The following C12orf42 variants were observed in gnomAD, a reference collection of about 807,000 sequenced individuals.
The protein encoded by C12orf42 is uncharacterized protein C12orf42.
C12orf42 carries 25 observed loss-of-function variants against 21.6 expected under a neutral mutation model. That is an observed-to-expected ratio of 1.16 (90% CI 0.84 to 1.62). The LOEUF (loss-of-function observed/expected upper bound fraction) is 1.62. C12orf42 is among the 40% of genes most tolerant of loss of function. The probability of loss-of-function intolerance (pLI) is 0.00; values close to 1 mark genes in which losing one functional copy is unlikely to be tolerated. For synonymous variants in C12orf42, 174 were observed against 175.0 expected (o/e 0.99, Z 0.05); for missense variants, 483 against 459.3 (o/e 1.05, Z -0.47).
At chr12:103,555,226 T>G in the C12orf42 span, among the ~76,000 whole-genome samples, 1 of 152,114 alleles carries the variant, frequency 6.6e-6, no homozygotes, top group Admixed American at 6.5e-5. Context: ...TTAATGGACT[T>G]ACAGTTTCAC....
At chr12:103,432,109 A>G (rs1277093220) in intron 2 of C12orf42, among the ~76,000 whole-genome samples, 2 of 152,120 alleles carry the variant, frequency 1.3e-5, no homozygotes, top group Non-Finnish European at 2.9e-5. Flanking sequence ...CCACATGTGT[A>G]GTGTGTTTAC....
chr12:103,525,058 C>G, the C12orf42 span, among the ~76,000 whole-genome samples: 1 of 152,058 alleles, frequency 6.6e-6, no homozygotes, highest in Non-Finnish European at 1.5e-5. Context: ...TGCTCTGTCA[C>G]CCAGGCTGCA....
At chr12:103,300,543 G>T (rs1249447327), downstream of C12orf42, among the ~76,000 whole-genome samples, 1 of 152,118 alleles carries the variant, frequency 6.6e-6, no homozygotes, top group Non-Finnish European at 1.5e-5. Context: ...CACTTCTACA[G>T]CTGAAGGAAT....
At chr12:103,404,293 A>C (rs1222955629) in intron 2 of C12orf42, among the ~76,000 whole-genome samples, 1 of 152,232 alleles carries the variant, frequency 6.6e-6, no homozygotes, top group Admixed American at 6.5e-5. Flanking sequence ...ACAGACTAGG[A>C]GTACAGGTAG....
chr12:103,312,886 A>G (rs2039103217), intron 4 of C12orf42, among the ~76,000 whole-genome samples: 2 of 152,206 alleles, frequency 1.3e-5, no homozygotes, highest in African/African-American at 4.8e-5. Flanking sequence ...ACAAATGCTG[A>G]TGTATTCATT....
At chr12:103,063,060 A>C in the C12orf42 span, among the ~76,000 whole-genome samples, 14 of 152,302 alleles carry the variant, frequency 9.2e-5, no homozygotes, top group Non-Finnish European at 1.6e-4. Flanking sequence ...CTCCTGAAAC[A>C]CCGCTCATGA....
chr12:103,430,923 T>C (rs1254834983), intron 2 of C12orf42, among the ~76,000 whole-genome samples: 2 of 151,894 alleles, frequency 1.3e-5, no homozygotes, highest in African/African-American at 2.4e-5. Flanking sequence ...TGAGAACACA[T>C]GGACACAGGG....
At chr12:103,226,725 T>G in the C12orf42 span, among the ~76,000 whole-genome samples, 4 of 152,052 alleles carry the variant, frequency 2.6e-5, no homozygotes, top group East Asian at 5.8e-4. Flanking sequence ...CTCAGCCTGG[T>G]GAGGAACAGC....
chr12:103,250,638 G>A (rs1193711366), intron 10 of C12orf42, among the ~76,000 whole-genome samples: 1 of 152,174 alleles, frequency 6.6e-6, no homozygotes, highest in East Asian at 1.9e-4. Context: ...TGATCTTCAA[G>A]AAATGTTAGG....
chr12:103,266,564 G>C (rs1427349896), downstream of C12orf42, among the ~76,000 whole-genome samples: 1 of 152,052 alleles, frequency 6.6e-6, no homozygotes, highest in Non-Finnish European at 1.5e-5. Flanking sequence ...TGTCAACTTG[G>C]TCGAGGTAGG....
chr12:103,130,051 A>G, the C12orf42 span, among the ~76,000 whole-genome samples: 1 of 152,086 alleles, frequency 6.6e-6, no homozygotes, highest in East Asian at 1.9e-4. Flanking sequence ...AAAGATTTGC[A>G]TTGTTCATTT....
chr12:103,082,489 A>G, the C12orf42 span, among the ~76,000 whole-genome samples: 2 of 152,184 alleles, frequency 1.3e-5, no homozygotes, highest in Non-Finnish European at 2.9e-5. Context: ...ATTTTAATTG[A>G]TTCATATGCT....
At chr12:103,069,338 T>C in the C12orf42 span, among the ~76,000 whole-genome samples, 1 of 152,022 alleles carries the variant, frequency 6.6e-6, no homozygotes. Context: ...ATGGTGTGGT[T>C]GCATCTCAAT....
At chr12:103,324,654 T>C (rs11111529) in intron 4 of C12orf42, among the ~76,000 whole-genome samples, 12,203 of 152,260 alleles carry the variant, frequency 0.08, 507 homozygotes, top group East Asian at 0.18. Flanking sequence ...TTCATTTCCA[T>C]AAAAATAAGA....
chr12:103,440,457 CAAAAA>C, intron 2 of C12orf42, among the ~76,000 whole-genome samples: 16 of 69,664 alleles, frequency 2.3e-4, no homozygotes, highest in East Asian at 5.1e-4. Flanking sequence ...TCACAGATAC[CAAAAA>C]AAAAAAAAAA....
At chr12:103,337,743 C>A (rs1160680800) in intron 4 of C12orf42, among the ~76,000 whole-genome samples, 5 of 152,140 alleles carry the variant, frequency 3.3e-5, no homozygotes, top group Non-Finnish European at 7.4e-5. Flanking sequence ...CCACGCAAAC[C>A]TTCTCTATTC....
chr12:103,341,781 CAT>C (rs924741740), intron 4 of C12orf42, among the ~76,000 whole-genome samples: 4 of 151,976 alleles, frequency 2.6e-5, no homozygotes, highest in African/African-American at 4.8e-5. Context: ...AAAGTAAAAA[CAT>C]AGAAAAAGAA....
chr12:103,154,855 T>C, the C12orf42 span, among the ~76,000 whole-genome samples: 1 of 152,068 alleles, frequency 6.6e-6, no homozygotes, highest in African/African-American at 2.4e-5. Flanking sequence ...AAAAAGTGAG[T>C]CGAATTTATG....
chr12:103,353,363 A>T (rs946061525), intron 4 of C12orf42, among the ~76,000 whole-genome samples: 2 of 152,062 alleles, frequency 1.3e-5, no homozygotes, highest in Non-Finnish European at 2.9e-5. Context: ...ACTGTGTTTT[A>T]TTAATCCATG....
Sources: allele counts gnomAD v4.1 joint callset (sites outside exome capture counted in the v4.1 genomes callset), GRCh38; gene constraint gnomAD v4.1.1; transcripts MANE v1.5; gene names NCBI Gene and HGNC (gene_info 2026-07-23, HGNC 2026-07-21).